The following HS3ST4 variants were observed in gnomAD, a reference collection of about 807,000 sequenced individuals.
HS3ST4 encodes the protein heparan sulfate glucosamine 3-O-sulfotransferase 4.
HS3ST4 carries 17 observed loss-of-function variants against 29.2 expected under a neutral mutation model. The observed-to-expected ratio is 0.58, with a 90% CI of 0.40 to 0.87. The LOEUF is 0.87. Ranked by LOEUF, HS3ST4 falls within the 40% of genes least tolerant of loss-of-function variation. The pLI is 0.00. For synonymous variants in HS3ST4, 314 were observed against 285.7 expected (o/e 1.10, Z -1.00); for missense variants, 627 against 634.5 (o/e 0.99, Z 0.13).
chr16:25,948,582 A>G (rs1411910985), intron 1 of HS3ST4, among the ~76,000 whole-genome samples: 1 of 152,120 alleles, frequency 6.6e-6, no homozygotes, highest in Admixed American at 6.5e-5. Flanking sequence ...CATTCTCACA[A>G]TATTGCCCAG....
At chr16:25,825,413 G>A (rs562886754) in intron 1 of HS3ST4, 2 of 152,194 alleles carry the variant, frequency 1.3e-5, no homozygotes, top group Non-Finnish European at 2.9e-5. Flanking sequence ...GCAATGGTTT[G>A]TGATGGTGAT....
chr16:25,747,865 C>T (rs1378448981), intron 1 of HS3ST4, among the ~76,000 whole-genome samples: 1 of 152,124 alleles, frequency 6.6e-6, no homozygotes, highest in African/African-American at 2.4e-5. Context: ...CTAGCTCACC[C>T]CCTCCTGAGT....
At chr16:25,934,050 A>T (rs1968492120) in intron 1 of HS3ST4, among the ~76,000 whole-genome samples, 1 of 152,244 alleles carries the variant, frequency 6.6e-6, no homozygotes, top group African/African-American at 2.4e-5. Flanking sequence ...ATGAGTCCTG[A>T]GACGCCTTTC....
intron 1 of HS3ST4, among the ~76,000 whole-genome samples, chr16:25,949,917 C>T (rs957116920): frequency 6.6e-6 from 1 of 152,086 alleles, no homozygotes; most frequent in Non-Finnish European, 1.5e-5. Context: ...GGATGCTGGC[C>T]GAAGTTTGTT....
intron 1 of HS3ST4, among the ~76,000 whole-genome samples, chr16:25,988,827 G>A (rs1253340256): frequency 6.6e-6 from 1 of 150,602 alleles, no homozygotes; most frequent in African/African-American, 2.4e-5. Flanking sequence ...GTTTACCTAG[G>A]TAACAAACCT....
chr16:25,919,417 TGG>T (rs1171819972), intron 1 of HS3ST4, among the ~76,000 whole-genome samples: 1 of 152,184 alleles, frequency 6.6e-6, no homozygotes, highest in Non-Finnish European at 1.5e-5. Context: ...GAATCCTCTT[TGG>T]ATATGTCAAA....
At chr16:25,917,397 G>A (rs1968303592) in intron 1 of HS3ST4, among the ~76,000 whole-genome samples, 1 of 152,104 alleles carries the variant, frequency 6.6e-6, no homozygotes, top group African/African-American at 2.4e-5. Flanking sequence ...ATTTTTAGTA[G>A]AGATGGGGTT....
intron 1 of HS3ST4, among the ~76,000 whole-genome samples, chr16:25,718,365 G>A (rs928314609): frequency 6.6e-6 from 1 of 152,168 alleles, no homozygotes; most frequent in Non-Finnish European, 1.5e-5. Context: ...GGTTGGAAGT[G>A]AAAATGAACG....
intron 1 of HS3ST4, among the ~76,000 whole-genome samples, chr16:25,844,902 A>C (rs1021617273): frequency 6.6e-6 from 1 of 152,204 alleles, no homozygotes; most frequent in Middle Eastern, 3.2e-3. Context: ...TTTGCAGGAC[A>C]TGGATGAAGG....
chr16:26,102,611 C>T (rs1256331119), intron 1 of HS3ST4, among the ~76,000 whole-genome samples: 1 of 152,140 alleles, frequency 6.6e-6, no homozygotes, highest in Non-Finnish European at 1.5e-5. Flanking sequence ...AAATACATTC[C>T]CCCTCCATCC....
chr16:25,725,185 G>A (rs1966525218), intron 1 of HS3ST4, among the ~76,000 whole-genome samples: 1 of 151,970 alleles, frequency 6.6e-6, no homozygotes, highest in African/African-American at 2.4e-5. Context: ...TGGGCATGCA[G>A]CATTTCTGAA....
intron 1 of HS3ST4, among the ~76,000 whole-genome samples, chr16:25,854,649 TG>T (rs1415225111): frequency 1.3e-5 from 2 of 152,080 alleles, no homozygotes; most frequent in African/African-American, 4.8e-5. Context: ...CTGACATTTT[TG>T]CCTCTCCTGT....
intron 1 of HS3ST4, among the ~76,000 whole-genome samples, chr16:26,093,070 T>C (rs1179658046): frequency 6.6e-6 from 1 of 151,954 alleles, no homozygotes; most frequent in East Asian, 1.9e-4. Context: ...CTTGAGTAGG[T>C]AAACAAAGTG....
rs151010648 is a variant in HS3ST4 at position 26,007,942 on chromosome 16, G to A, written c.735-127670G>A. ...TTTTTTTTTTTTAAAGCAGGAATTC[G>A]GTACATGCAGCCATAGATTCAGGCT... On this transcript the variant is annotated intron_variant, in intron 1 of 1. Transcript: ENST00000331351. Among the ~76,000 whole-genome samples the A allele has an allele frequency of 1.2e-3, 180 of 150,738 alleles. No individual in the cohort carries two copies. The Middle Eastern group carries it at 0.014, about 12-fold the overall frequency.
intron 1 of HS3ST4, among the ~76,000 whole-genome samples, chr16:25,917,236 G>T (rs1170334752): frequency 6.6e-6 from 1 of 151,604 alleles, no homozygotes; most frequent in Non-Finnish European, 1.5e-5. Flanking sequence ...TTTTCAAGAT[G>T]GAGTCTTGCT....
chr16:26,048,855 A>G (rs941774495), intron 1 of HS3ST4, among the ~76,000 whole-genome samples: 2 of 152,002 alleles, frequency 1.3e-5, no homozygotes, highest in South Asian at 4.2e-4. Context: ...ATAACATTGA[A>G]TCTCGCAGCA....
intron 1 of HS3ST4, among the ~76,000 whole-genome samples, chr16:25,701,460 C>T (rs1331831450): frequency 2.0e-5 from 3 of 151,886 alleles, no homozygotes; most frequent in Middle Eastern, 3.2e-3. Context: ...AATAGTTTCC[C>T]CATAGAGAAA....
intron 1 of HS3ST4, among the ~76,000 whole-genome samples, chr16:25,722,348 A>G (rs1966503081): frequency 6.6e-6 from 1 of 152,208 alleles, no homozygotes; most frequent in Non-Finnish European, 1.5e-5. Flanking sequence ...TTGGTCTACC[A>G]AAGGTAGATA....
At chr16:25,990,627 C>A (rs1165369806) in intron 1 of HS3ST4, among the ~76,000 whole-genome samples, 1 of 152,190 alleles carries the variant, frequency 6.6e-6, no homozygotes, top group East Asian at 1.9e-4. Flanking sequence ...AGGAATTAAT[C>A]TTCACTGTAA....
Sources: allele counts gnomAD v4.1 joint callset (sites outside exome capture counted in the v4.1 genomes callset), GRCh38; gene constraint gnomAD v4.1.1; transcripts MANE v1.5; gene names NCBI Gene and HGNC (gene_info 2026-07-23, HGNC 2026-07-21).